TMPRSS15: variants seen among roughly 807,000 people sequenced by gnomAD.
The protein encoded by TMPRSS15 is transmembrane serine protease 15, also known as enteropeptidase.
A neutral mutation model predicts 125.3 loss-of-function variants in TMPRSS15; 128 were observed. The observed-to-expected ratio is 1.02, with a 90% CI of 0.89 to 1.18. The LOEUF (loss-of-function observed/expected upper bound fraction) is 1.18, where lower values mean the gene tolerates loss of function less well. Among genes scored for constraint, TMPRSS15 ranks in the 50% most tolerant of loss-of-function variants. TMPRSS15 has a pLI of 0.00. For synonymous variants in TMPRSS15, 446 were observed against 423.2 expected, an observed-to-expected ratio of 1.05 and a Z score of -0.66; for missense variants, 1,283 against 1,212.7, an observed-to-expected ratio of 1.06 and a Z score of -0.86.
chr21:18,285,781 G>C (rs1049899969), intron 21 of TMPRSS15, among the ~76,000 whole-genome samples: 1 of 152,140 alleles, frequency 6.6e-6, no homozygotes, highest in Non-Finnish European at 1.5e-5. Flanking sequence ...AAAGAAAAGA[G>C]TTGTTTATGA....
At chr21:18,272,328 T>A (rs2074567769) in intron 24 of TMPRSS15, among the ~76,000 whole-genome samples, 1 of 145,644 alleles carries the variant, frequency 6.9e-6, no homozygotes, top group Admixed American at 6.7e-5. Context: ...GATGTTGAGT[T>A]TTTTTTTCAC....
intron 22 of TMPRSS15, among the ~76,000 whole-genome samples, chr21:18,280,583 A>AAACAAAAAC (rs2074682867): frequency 7.1e-6 from 1 of 141,348 alleles, no homozygotes; most frequent in African/African-American, 3.1e-5. Flanking sequence ...CTCAAAAAAA[A>AAACAAAAAC]AAAAAAAAAA....
At chr21:18,444,942 A>G (rs2076251729) in intron 1 of TMPRSS15, among the ~76,000 whole-genome samples, 1 of 152,134 alleles carries the variant, frequency 6.6e-6, no homozygotes, top group Admixed American at 6.5e-5. Flanking sequence ...GAGTGAGACA[A>G]CAAAATTAGC....
At chr21:18,412,309 A>C (rs1241359626) in intron 1 of TMPRSS15, among the ~76,000 whole-genome samples, 2 of 152,208 alleles carry the variant, frequency 1.3e-5, no homozygotes, top group African/African-American at 4.8e-5. Context: ...CCAAAGTGTT[A>C]TACCAACATT....
chr21:18,369,091 GAA>G (rs1011774236), intron 6 of TMPRSS15, among the ~76,000 whole-genome samples: 1 of 150,602 alleles, frequency 6.6e-6, no homozygotes. Context: ...TGCAGCATCA[GAA>G]AAAAAAATCT....
intron 3 of TMPRSS15, among the ~76,000 whole-genome samples, chr21:18,391,595 GGCT>G (rs1348776487): frequency 6.6e-6 from 1 of 152,196 alleles, no homozygotes; most frequent in African/African-American, 2.4e-5. Flanking sequence ...TACCCCCACT[GGCT>G]GCTTTCACAG....
chr21:18,458,504 C>A (rs1297698178), intron 1 of TMPRSS15, among the ~76,000 whole-genome samples: 1 of 152,072 alleles, frequency 6.6e-6, no homozygotes, highest in Non-Finnish European at 1.5e-5. Flanking sequence ...TAATCAAAGG[C>A]AGAAGTAGAA....
At chr21:18,462,153 A>T (rs1334598407) in intron 1 of TMPRSS15, among the ~76,000 whole-genome samples, 3 of 152,076 alleles carry the variant, frequency 2.0e-5, no homozygotes, top group Non-Finnish European at 4.4e-5. Context: ...GAAGAGACAA[A>T]CTCTTAGCTC....
intron 18 of TMPRSS15, among the ~76,000 whole-genome samples, chr21:18,311,136 A>C (rs926359180): frequency 2.6e-5 from 4 of 152,084 alleles, no homozygotes; most frequent in Admixed American, 6.6e-5. Flanking sequence ...AACCACTAGA[A>C]TAAAACATTG....
Position 18,413,361 on chromosome 21 carries a change from T to TTCC in TMPRSS15, c.11-15033_11-15032insGGA, listed in dbSNP as rs1332456077. Among the ~76,000 whole-genome samples, 317 of 77,220 alleles carry TTCC rather than the reference T, an allele frequency of 4.1e-3. 2 individuals are homozygous for TTCC. The highest frequency in any genetic ancestry group is 0.017 in the East Asian group (33 of 1,928). The allele number at this position is 77,220 out of a possible 152,430, so 50.7% of individuals were successfully genotyped here. A position where few individuals can be genotyped will look rare whatever the true frequency, so the allele number is the denominator to read the frequency against. ...CTTCCTTCCTTCCTTCCTTCCTTCCTTTCCTTCCTTCCTTCCTTTCTTTCT... is the reference window on the plus strand; with the variant it reads ...CTTCCTTCCTTCCTTCCTTCCTTCCTTCCTTCCTTCCTTCCTTCCTTTCTTTCT... On this transcript the variant is annotated intron_variant, in intron 1 of 7. Transcript: ENST00000422787.
In TMPRSS15 at chr21:18,398,319, A is replaced by G; in HGVS notation, c.156T>C (p.Leu52=). ...TCGCTCTGGCTTCATGACTCTGTCC[A>G]AGTGCTGCACCTAGATAAATTAATA... ...TIKESQRGAA[L]GQSHEARATF... is the part of the protein sequence containing the mutation. The change falls in exon 2 of 25, where the codon CTT becomes CTC. Residue 52 remains leucine, a synonymous_variant. Coordinates refer to ENST00000284885, the MANE Select transcript of TMPRSS15 (RefSeq NM_002772.3). 2 of 1,613,728 alleles carry G rather than the reference A, an allele frequency of 1.2e-6. No individual in the cohort carries two copies. The highest frequency in any genetic ancestry group is 2.2e-5 in the East Asian group (1 of 44,860).
At chr21:18,428,281 A>T (rs570582323) in intron 1 of TMPRSS15, among the ~76,000 whole-genome samples, 1 of 152,322 alleles carries the variant, frequency 6.6e-6, no homozygotes, top group African/African-American at 2.4e-5. Context: ...TCAGTTTCAT[A>T]AGGGAAGCTG....
chr21:18,387,630 C>T (rs1028413744), intron 3 of TMPRSS15, among the ~76,000 whole-genome samples: 1 of 151,154 alleles, frequency 6.6e-6, no homozygotes, highest in African/African-American at 2.4e-5. Context: ...CACACACACA[C>T]ACACACACAC....
intron 3 of TMPRSS15, among the ~76,000 whole-genome samples, chr21:18,389,379 C>T (rs979054787): frequency 2.6e-5 from 4 of 151,960 alleles, no homozygotes; most frequent in African/African-American, 9.7e-5. Context: ...AGCACAGCTA[C>T]CACCAGGGGA....
chr21:18,278,947 T>TTTTTG lies in TMPRSS15; in HGVS notation c.2764+16_2764+17insCAAAA. 1.1e-6 allele frequency: 1 copy of TTTTTG among 884,078 alleles called. No individual in the cohort carries two copies. The highest frequency in any genetic ancestry group is 1.7e-6 in the Non-Finnish European group (1 of 580,766). The allele number at this position is 884,078 out of a possible 1,614,324, so 54.8% of individuals were successfully genotyped here. On this transcript the variant is annotated intron_variant, in intron 23 of 24. Coordinates refer to ENST00000284885, the MANE Select transcript of TMPRSS15 (RefSeq NM_002772.3). Reference sequence around the variant, plus strand: ...AGGTTTTTTTTTTTTTTTTTTTTTTTGAGTCTGATAATTTACCTTGATATA... The same window carrying TTTTTG: ...AGGTTTTTTTTTTTTTTTTTTTTTTTTTTTGGAGTCTGATAATTTACCTTGATATA...
chr21:18,396,297 A>G (rs1459298536), intron 3 of TMPRSS15, among the ~76,000 whole-genome samples: 1 of 152,124 alleles, frequency 6.6e-6, no homozygotes, highest in Non-Finnish European at 1.5e-5. Context: ...CTACTCTAAC[A>G]TTCTCATATG....
In TMPRSS15 at chr21:18,353,747, C is replaced by T; in HGVS notation, c.997G>A (p.Ala333Thr). 2 of 1,611,108 alleles carry T rather than the reference C, an allele frequency of 1.2e-6. No individual in the cohort carries two copies. The highest frequency in any genetic ancestry group is 1.1e-5 in the South Asian group (1 of 90,962). Residue 333 changes from alanine to threonine, a missense_variant, in exon 9 of 25, where the codon GCA (alanine) becomes ACA (threonine). Transcript: ENST00000284885. ...CTATTAAGCTCACTGCTGTTAAATG[C>T]AGTATATGTTGCATTAAAGCCAACA... Reference protein sequence around the residue: ...DYVGFNATYTAFNSSELNNYE... With the variant: ...DYVGFNATYTTFNSSELNNYE...
chr21:18,300,229 TTTC>T, intron 18 of TMPRSS15, among the ~76,000 whole-genome samples: 1 of 151,864 alleles, frequency 6.6e-6, no homozygotes, highest in South Asian at 2.1e-4. Context: ...TCTCTTTTTC[TTTC>T]TTTCTTTCTT....
At chr21:18,344,205 C>A (rs778946015) in intron 10 of TMPRSS15, 145 bp from the exon 11 acceptor site, 2 of 721,174 alleles carry the variant, frequency 2.8e-6, no homozygotes, top group Admixed American at 2.6e-5. Flanking sequence ...ACACTAGACT[C>A]GAGCTCAGAA....
Sources: gnomAD v4.1 joint callset for allele counts (sites outside exome capture counted in the v4.1 genomes callset) on GRCh38, gnomAD v4.1.1 for gene constraint, MANE v1.5 for transcripts, NCBI Gene and HGNC (gene_info 2026-07-23, HGNC 2026-07-21) for gene names.